Variants in ARID3B observed in about 807,000 individuals in gnomAD.
The protein encoded by ARID3B is AT-rich interaction domain 3B.
In ARID3B, 10 loss-of-function variants were observed where a neutral mutation model predicts 51.9. The ratio of observed to expected loss-of-function variants is 0.19; its 90% confidence interval spans 0.12 to 0.33. The LOEUF is 0.33. Ranked by LOEUF, ARID3B falls within the 10% of genes least tolerant of loss-of-function variation. The probability of loss-of-function intolerance (pLI) is 1.00; values close to 1 mark genes in which losing one functional copy is unlikely to be tolerated. For missense variants in ARID3B, 483 were observed against 716.3 expected (o/e 0.67, Z 3.72); for synonymous variants, 205 against 279.5 (o/e 0.73, Z 2.66).
rs767514535 is a variant in ARID3B at position 74,547,430 on chromosome 15, G to A, written c.552+2942G>A. Among the ~76,000 whole-genome samples the A allele has an allele frequency of 7.2e-5, 11 of 152,192 alleles. No homozygotes were observed. In the East Asian group the frequency reaches 7.7e-4, roughly 11 times the overall value. On this transcript the variant is annotated intron_variant, in intron 2 of 8. Coordinates refer to ENST00000346246, the MANE Select transcript of ARID3B (RefSeq NM_006465.4). ...ACTCCTGACCTCAAGTGATCCGCCC[G>A]TCCTGGCCTCCCAAAGTGCTGGGAT... is the stretch of plus-strand genomic sequence containing the variant.
At chr15:74,570,336 A>T (rs959388870) in intron 2 of ARID3B, among the ~76,000 whole-genome samples, 1 of 151,978 alleles carries the variant, frequency 6.6e-6, no homozygotes, top group Non-Finnish European at 1.5e-5. Flanking sequence ...TTGTTTTCAC[A>T]CTGCTGTCCT....
chr15:74,565,795 A>G (rs2061696044), intron 2 of ARID3B, among the ~76,000 whole-genome samples: 1 of 150,942 alleles, frequency 6.6e-6, no homozygotes, highest in Admixed American at 6.6e-5. Flanking sequence ...TTGGATCAGG[A>G]GACCTTTGTT....
At chr15:74,593,387 C>T (rs1204081927) in intron 8 of ARID3B, 151 bp downstream of exon 8, 2 of 671,584 alleles carry the variant, frequency 3.0e-6, no homozygotes, top group Non-Finnish European at 2.5e-6. Context: ...TCAAGTGGTC[C>T]TCTGGACTAG....
intron 4 of ARID3B, among the ~76,000 whole-genome samples, chr15:74,581,257 C>T (rs1489346176): frequency 6.6e-6 from 1 of 152,196 alleles, no homozygotes; most frequent in Non-Finnish European, 1.5e-5. Flanking sequence ...TGTGTATATA[C>T]AAAGAATTTA....
rs549756329 is a variant in ARID3B at position 74,587,145 on chromosome 15, T to C, written c.698-2675T>C. ...GCTAGGTAAGCAATAAGAGTTTTCA[T>C]AGGTTTTTAAACAAGGAGGTGAGTA... On this transcript the variant is annotated intron_variant, in intron 4 of 8. Transcript: ENST00000346246. 2.6e-5 allele frequency among the ~76,000 whole-genome samples: 4 copies of C among 152,328 alleles called. No individual in the cohort carries two copies. In the South Asian group the frequency reaches 8.3e-4, roughly 32 times the overall value.
At chr15:74,558,403 C>T (rs989780168) in intron 2 of ARID3B, among the ~76,000 whole-genome samples, 3 of 151,604 alleles carry the variant, frequency 2.0e-5, no homozygotes, top group African/African-American at 7.3e-5. Context: ...AATGGTTTGT[C>T]GTAATTATTG....
Position 74,552,056 on chromosome 15 carries a change from C to CTTT in ARID3B, c.552+7587_552+7589dup, listed in dbSNP as rs869096001. ...TTTCCTTTTCTTTTTTCTTTCTTTC[C>CTTT]TTTTTTTTTTTTTTTTTTTTTCTGA... On this transcript the variant is annotated intron_variant, in intron 2 of 8. Transcript: ENST00000346246. 9.4e-4 allele frequency among the ~76,000 whole-genome samples: 96 copies of CTTT among 102,612 alleles called. 1 individual carries two copies. The highest frequency in any genetic ancestry group is 2.3e-3 in the African/African-American group (57 of 24,698). The allele number at this position is 102,612 out of a possible 152,430, so 67.3% of individuals were successfully genotyped here. A position where few individuals can be genotyped will look rare whatever the true frequency, so the allele number is the denominator to read the frequency against.
rs1283802329 is a variant in ARID3B, at chr15:74,556,776, G to GT, written c.552+12304dup. ...TCCTTTTTTCTTTTTTTTGTTTTTT[G>GT]TTTTTTTTTTTTTTTTGAGACGGAG... On this transcript the variant is annotated intron_variant, in intron 2 of 8. Coordinates refer to ENST00000346246, the MANE Select transcript of ARID3B (RefSeq NM_006465.4). 9.2e-3 allele frequency among the ~76,000 whole-genome samples: 1,127 copies of GT among 122,452 alleles called. 12 individuals are homozygous for GT. The highest frequency in any genetic ancestry group is 0.013 in the Non-Finnish European group (759 of 59,692). The allele number at this position is 122,452 out of a possible 152,430, so 80.3% of individuals were successfully genotyped here. A position where few individuals can be genotyped will look rare whatever the true frequency, so the allele number is the denominator to read the frequency against.
chr15:74,577,951 G>A (rs906539821), intron 4 of ARID3B, among the ~76,000 whole-genome samples: 36 of 152,094 alleles, frequency 2.4e-4, no homozygotes, highest in South Asian at 8.3e-4. Context: ...TTCCCATCCC[G>A]GGTTCAAGTG....
chr15:74,581,843 G>T (rs946006565), intron 4 of ARID3B, among the ~76,000 whole-genome samples: 8 of 152,204 alleles, frequency 5.3e-5, no homozygotes, highest in African/African-American at 1.7e-4. Flanking sequence ...TGCCTCTTTT[G>T]TCCCAAAGTG....
chr15:74,592,522 A>C (rs1307703011), intron 7 of ARID3B, among the ~76,000 whole-genome samples: 1 of 152,180 alleles, frequency 6.6e-6, no homozygotes, highest in Non-Finnish European at 1.5e-5. Context: ...GGAAACTGGG[A>C]GGTAACAGCT....
chr15:74,554,713 T>C (rs532034041), intron 2 of ARID3B, among the ~76,000 whole-genome samples: 1 of 152,366 alleles, frequency 6.6e-6, no homozygotes, highest in African/African-American at 2.4e-5. Flanking sequence ...TGTCCTTTGC[T>C]GGTCTAGAAA....
chr15:74,566,071 A>AGTT (rs1353225320), intron 2 of ARID3B, among the ~76,000 whole-genome samples: 3 of 152,064 alleles, frequency 2.0e-5, no homozygotes, highest in African/African-American at 4.8e-5. Flanking sequence ...ATCCAGATCC[A>AGTT]GTTGATTCTC....
intron 4 of ARID3B, chr15:74,573,405 T>C (rs1567122229): frequency 3.3e-6 from 2 of 605,150 alleles, no homozygotes; most frequent in Non-Finnish European, 5.9e-6. Context: ...ACAAAGTAGA[T>C]GGAATGATCG....
At chr15:74,546,382 C>T (rs938959447) in intron 2 of ARID3B, among the ~76,000 whole-genome samples, 2 of 152,222 alleles carry the variant, frequency 1.3e-5, no homozygotes, top group Admixed American at 6.5e-5. Flanking sequence ...TGGCAGCTGG[C>T]CAGCGTCTGC....
At chr15:74,546,292 G>A (rs2061615411) in intron 2 of ARID3B, among the ~76,000 whole-genome samples, 1 of 152,154 alleles carries the variant, frequency 6.6e-6, no homozygotes, top group Non-Finnish European at 1.5e-5. Flanking sequence ...CATACCGGCC[G>A]CTGAGTCAGC....
At chr15:74,594,294 A>G (rs1053947159) in intron 8 of ARID3B, among the ~76,000 whole-genome samples, 1 of 152,096 alleles carries the variant, frequency 6.6e-6, no homozygotes, top group African/African-American at 2.4e-5. Flanking sequence ...TAAAAATACA[A>G]AAAGTTAGCC....
At chr15:74,545,925 G>T (rs757574382) in intron 2 of ARID3B, among the ~76,000 whole-genome samples, 1 of 152,202 alleles carries the variant, frequency 6.6e-6, no homozygotes, top group Admixed American at 6.5e-5. Flanking sequence ...GAGTGCCACT[G>T]CCTCCCATGG....
rs1306085843 is a variant in ARID3B, at chr15:74,591,260, T to C, written c.991T>C (p.Tyr331His). The C allele has an allele frequency of 6.2e-7, 1 of 1,613,980 alleles. No homozygotes were observed. The highest frequency in any genetic ancestry group is 8.5e-7 in the Non-Finnish European group (1 of 1,179,966). ...GNRREGRRPS[Y>H]SSSLFGYSPA... ...CCGCAGGGAGGGCCGGCGGCCCAGCTACAGCTCCTCCCTCTTTGGCTACTC... is the reference window on the plus strand; with the variant it reads ...CCGCAGGGAGGGCCGGCGGCCCAGCCACAGCTCCTCCCTCTTTGGCTACTC... The change falls in exon 6 of 9, where the codon TAC (tyrosine) becomes CAC (histidine). Residue 331 changes from tyrosine (Y) to histidine (H), a missense_variant. Around this residue, in one of 3 missense-constraint regions of ARID3B, gnomAD observed 265 missense variants for 354.4 expected, o/e 0.75. Transcript: ENST00000346246. This position sits in a 1 kb window ranked among gnomAD's most constrained non-coding sequence, Gnocchi z 5.8.
Sources: gnomAD v4.1 joint callset for allele counts (sites outside exome capture counted in the v4.1 genomes callset) on GRCh38, gnomAD v4.1.1 for gene constraint, gnomAD v4.1.1 regional missense constraint, Gnocchi (gnomAD v3.1) non-coding constraint, MANE v1.5 for transcripts, NCBI Gene and HGNC (gene_info 2026-07-23, HGNC 2026-07-21) for gene names.